ZFYVE28: variants seen among roughly 807,000 people sequenced by gnomAD.
The protein encoded by ZFYVE28 is zinc finger FYVE-type containing 28.
A neutral mutation model predicts 82.1 loss-of-function variants in ZFYVE28; 40 were observed. That is an observed-to-expected ratio of 0.49 (90% CI 0.38 to 0.63). ZFYVE28 has a LOEUF of 0.63. ZFYVE28 is among the 30% of genes least tolerant of loss of function. ZFYVE28 has a pLI of 0.00. For synonymous variants in ZFYVE28, 612 were observed against 546.1 expected (o/e 1.12, Z -1.68); for missense variants, 1,321 against 1,242.1 (o/e 1.06, Z -0.96).
intron 1 of ZFYVE28, among the ~76,000 whole-genome samples, chr4:2,405,478 T>TA (rs1240876207): frequency 6.6e-6 from 1 of 152,258 alleles, no homozygotes; most frequent in Non-Finnish European, 1.5e-5. Flanking sequence ...TGAGCAGACT[T>TA]ACAGTTTCCC....
rs917854469 is a variant in ZFYVE28, at chr4:2,347,575, G to C, written c.181-5960C>G. 3.3e-5 allele frequency among the ~76,000 whole-genome samples: 5 copies of C among 152,048 alleles called. No homozygotes were observed. The East Asian group carries it at 7.7e-4, about 23-fold the overall frequency. Reference sequence around the variant, plus strand: ...CCAAGTCACACAAAGTATATCCTCTGACCACAATGGAATTAAATTAGAAAT... The same window carrying C: ...CCAAGTCACACAAAGTATATCCTCTCACCACAATGGAATTAAATTAGAAAT... On this transcript the variant is annotated intron_variant, in intron 2 of 12. Coordinates refer to ENST00000290974, the MANE Select transcript of ZFYVE28 (RefSeq NM_020972.3).
intron 1 of ZFYVE28, among the ~76,000 whole-genome samples, chr4:2,413,141 A>G (rs1732694207): frequency 6.6e-6 from 1 of 152,206 alleles, no homozygotes; most frequent in Non-Finnish European, 1.5e-5. Context: ...CCGCTGGCAC[A>G]AGGCAAGGCA....
intron 1 of ZFYVE28, among the ~76,000 whole-genome samples, chr4:2,363,599 G>A (rs1217471979): frequency 1.3e-5 from 2 of 152,172 alleles, no homozygotes; most frequent in East Asian, 3.8e-4. Flanking sequence ...CTGGGGACTG[G>A]CTCTGTCCCT....
At chr4:2,353,646 G>A (rs866886652) in intron 2 of ZFYVE28, among the ~76,000 whole-genome samples, 4 of 152,224 alleles carry the variant, frequency 2.6e-5, no homozygotes, top group Middle Eastern at 6.8e-3. Flanking sequence ...CTCCCACACT[G>A]GCTGCCCCTT....
At position 2,270,863 on chromosome 4, in the gene ZFYVE28, T is replaced by G. The variant is rs1735841577; in HGVS notation, c.2533-7A>C. The G allele has an allele frequency of 5.6e-6, 9 of 1,612,332 alleles. No homozygotes were observed. The highest frequency in any genetic ancestry group is 7.6e-6 in the Non-Finnish European group (9 of 1,179,882). On this transcript the variant is annotated splice_region_variant and splice_polypyrimidine_tract_variant and intron_variant, in intron 12 of 12. Transcript: ENST00000290974. ...AGCAGCGCGAGCAGAAGATCTGGAA[T>G]GGGGTTGGGGCAGTGAGGGTCTGCG... is the stretch of plus-strand genomic sequence containing the variant.
chr4:2,390,663 C>T (rs1006293062), intron 1 of ZFYVE28, among the ~76,000 whole-genome samples: 3 of 152,190 alleles, frequency 2.0e-5, no homozygotes, highest in East Asian at 1.9e-4. Context: ...AAAAACAAGC[C>T]AAAATATCAA....
At chr4:2,350,288 C>A (rs1395410422) in intron 2 of ZFYVE28, among the ~76,000 whole-genome samples, 1 of 151,954 alleles carries the variant, frequency 6.6e-6, no homozygotes, top group Non-Finnish European at 1.5e-5. Flanking sequence ...CATGGTGAAA[C>A]CCCATCTCTA....
chr4:2,317,435 C>G (rs1384528595), intron 7 of ZFYVE28, among the ~76,000 whole-genome samples: 1 of 152,214 alleles, frequency 6.6e-6, no homozygotes, highest in African/African-American at 2.4e-5. Context: ...TCCCTTCGGA[C>G]ACGGAGTAGG....
At chr4:2,380,497 A>G (rs1728619427) in intron 1 of ZFYVE28, among the ~76,000 whole-genome samples, 1 of 152,230 alleles carries the variant, frequency 6.6e-6, no homozygotes, top group African/African-American at 2.4e-5. Flanking sequence ...ATTTTATTGA[A>G]GTCAAAGCAG....
At position 2,271,431 on chromosome 4, in the gene ZFYVE28, A is replaced by G. The variant is rs764933354; in HGVS notation, c.2429-17T>C. 1.1e-5 allele frequency: 18 copies of G among 1,610,806 alleles called. No individual in the cohort carries two copies. The East Asian group carries it at 2.7e-4, about 24-fold the overall frequency. On this transcript the variant is annotated splice_polypyrimidine_tract_variant and intron_variant, in intron 11 of 12. Coordinates refer to ENST00000290974, the MANE Select transcript of ZFYVE28 (RefSeq NM_020972.3). ...CCGGGGGGTCTGTCACAACAACAGC[A>G]GCGTCACATCAGCGACGGCAGGAGC...
intron 8 of ZFYVE28, among the ~76,000 whole-genome samples, chr4:2,276,977 AC>A (rs1157122272): frequency 6.6e-6 from 1 of 152,158 alleles, no homozygotes; most frequent in Non-Finnish European, 1.5e-5. Flanking sequence ...CATATATTTT[AC>A]AAAAATTAAA....
At chr4:2,402,063 C>T (rs1285117597) in intron 1 of ZFYVE28, among the ~76,000 whole-genome samples, 1 of 152,192 alleles carries the variant, frequency 6.6e-6, no homozygotes, top group African/African-American at 2.4e-5. Flanking sequence ...CCGGTCCTGC[C>T]GGCTGTGGAG....
intron 6 of ZFYVE28, chr4:2,330,492 G>T: frequency 9.1e-7 from 1 of 1,098,250 alleles, no homozygotes; most frequent in Non-Finnish European, 1.1e-6. Context: ...TGGAGGAGGG[G>T]ACAGTGCAGA....
chr4:2,390,549 G>A (rs1729718854), intron 1 of ZFYVE28, among the ~76,000 whole-genome samples: 1 of 152,152 alleles, frequency 6.6e-6, no homozygotes, highest in Admixed American at 6.5e-5. Flanking sequence ...AAGCCATCTG[G>A]CAGCGAGGTG....
chr4:2,374,555 A>G (rs1025787212), intron 1 of ZFYVE28, among the ~76,000 whole-genome samples: 1 of 152,182 alleles, frequency 6.6e-6, no homozygotes, highest in Non-Finnish European at 1.5e-5. Context: ...TTGAGGCTGC[A>G]GTGAGCTGAG....
rs151312244 is a variant in ZFYVE28, at chr4:2,302,853, G to A, written c.2051+1436C>T. 4.9e-4 allele frequency among the ~76,000 whole-genome samples: 75 copies of A among 152,330 alleles called. No individual in the cohort carries two copies. In the East Asian group the frequency reaches 0.011, roughly 22 times the overall value. ...GACGTTACGTCTGGTGGACGAAGCC[G>A]GACCCTGGAGGTCACACACCACAGA... On this transcript the variant is annotated intron_variant, in intron 8 of 12. Coordinates refer to ENST00000290974, the MANE Select transcript of ZFYVE28 (RefSeq NM_020972.3).
chr4:2,303,951 A>G (rs1055312834), intron 8 of ZFYVE28, among the ~76,000 whole-genome samples: 2 of 152,222 alleles, frequency 1.3e-5, no homozygotes, highest in African/African-American at 4.8e-5. Context: ...CACGCGGCTC[A>G]CACCAGGGGC....
chr4:2,397,006 G>A (rs987468595), intron 1 of ZFYVE28, among the ~76,000 whole-genome samples: 3 of 152,326 alleles, frequency 2.0e-5, no homozygotes, highest in Admixed American at 1.3e-4. Flanking sequence ...AGGGCAGAAG[G>A]AAGGACTCCG....
rs566586211 is a variant in ZFYVE28, at chr4:2,285,150, G to C, written c.2052-10934C>G. ...GGGCAGAACCCCACGTGGACTGAAG[G>C]CAGGGACTGGAGTGATGCTTCTGTA... On this transcript the variant is annotated intron_variant, in intron 8 of 12. Transcript: ENST00000290974. Among the ~76,000 whole-genome samples the C allele has an allele frequency of 4.7e-5, 7 of 149,808 alleles. No individual in the cohort carries two copies. The East Asian group carries it at 1.4e-3, about 29-fold the overall frequency.
Sources: allele counts gnomAD v4.1 joint callset (sites outside exome capture counted in the v4.1 genomes callset), GRCh38; gene constraint gnomAD v4.1.1; transcripts MANE v1.5; gene names NCBI Gene and HGNC (gene_info 2026-07-23, HGNC 2026-07-21).